MTUS2: variants seen among roughly 807,000 people sequenced by gnomAD.
MTUS2 encodes microtubule associated scaffold protein 2.
MTUS2 carries 40 observed loss-of-function variants against 114.1 expected under a neutral mutation model. The ratio of observed to expected loss-of-function variants is 0.35; its 90% confidence interval spans 0.27 to 0.46. MTUS2 has a LOEUF of 0.46. MTUS2 is among the 20% of genes least tolerant of loss of function. The pLI is 1.00. For missense variants in MTUS2, 1,679 were observed against 1,705.4 expected (o/e 0.98, Z 0.27); for synonymous variants, 688 against 672.0 (o/e 1.02, Z -0.37).
chr13:29,445,509 G>A (rs1477993395), intron 9 of MTUS2, among the ~76,000 whole-genome samples: 1 of 152,178 alleles, frequency 6.6e-6, no homozygotes, highest in Non-Finnish European at 1.5e-5. Context: ...CAAGGTATAT[G>A]GCAGGGGGTG....
At chr13:29,277,690 G>A (rs1367793965) in intron 5 of MTUS2, among the ~76,000 whole-genome samples, 1 of 152,166 alleles carries the variant, frequency 6.6e-6, no homozygotes, top group East Asian at 1.9e-4. Flanking sequence ...AGCCTCCCTT[G>A]ATGGCTTTTG....
intron 8 of MTUS2, among the ~76,000 whole-genome samples, chr13:29,383,242 G>GTA (rs1315060468): frequency 3.5e-5 from 1 of 28,620 alleles, no homozygotes; most frequent in Non-Finnish European, 1.3e-4. Context: ...GTGTGTGTGT[G>GTA]TGTGTGTGTG....
At chr13:29,326,111 T>C (rs565056724) in intron 7 of MTUS2, among the ~76,000 whole-genome samples, 2 of 152,326 alleles carry the variant, frequency 1.3e-5, no homozygotes, top group Non-Finnish European at 2.9e-5. Context: ...GGGTAACACC[T>C]TGGCCAGATG....
chr13:29,283,556 G>A lies in MTUS2; in HGVS notation c.2806+1691G>A, dbSNP rs1274161516. ...ACACGGTGGTTGAATCAACCCTATA[G>A]CCCAGTGTTTCTCAAGCTTTAGTGT... On this transcript the variant is annotated intron_variant, in intron 6 of 15. Transcript: ENST00000612955. Among the ~76,000 whole-genome samples, 3 of 152,250 alleles carry A rather than the reference G, an allele frequency of 2.0e-5. No individual in the cohort carries two copies. The East Asian group carries it at 5.8e-4, about 29-fold the overall frequency.
At chr13:29,280,369 G>A (rs141982128) in intron 5 of MTUS2, among the ~76,000 whole-genome samples, 227 of 152,224 alleles carry the variant, frequency 1.5e-3, no homozygotes, top group African/African-American at 5.3e-3. Flanking sequence ...AAGAACTATA[G>A]GGCATAGGTC....
intron 2 of MTUS2, among the ~76,000 whole-genome samples, chr13:28,878,155 G>A (rs543120638): frequency 2.6e-5 from 4 of 151,762 alleles, no homozygotes; most frequent in East Asian, 1.9e-4. Flanking sequence ...GTGACATTTC[G>A]TCTAATGGCC....
intron 5 of MTUS2, among the ~76,000 whole-genome samples, chr13:29,106,299 A>G (rs1360518657): frequency 4.6e-5 from 7 of 152,188 alleles, no homozygotes. Flanking sequence ...AAGTTGCTCT[A>G]TCTTTTAATG....
At chr13:28,831,498 T>C (rs1874675465) in intron 1 of MTUS2, among the ~76,000 whole-genome samples, 1 of 152,126 alleles carries the variant, frequency 6.6e-6, no homozygotes, top group Admixed American at 6.5e-5. Context: ...GGAATGGCTA[T>C]ACCGATATGA....
chr13:29,329,000 G>A (rs1900646858), intron 7 of MTUS2, among the ~76,000 whole-genome samples: 2 of 152,092 alleles, frequency 1.3e-5, no homozygotes, highest in Non-Finnish European at 2.9e-5. Context: ...CAGGCCCTTA[G>A]ATAGGAATTT....
chr13:29,372,970 A>G (rs761896069), intron 8 of MTUS2, among the ~76,000 whole-genome samples: 2 of 152,224 alleles, frequency 1.3e-5, no homozygotes, highest in African/African-American at 2.4e-5. Flanking sequence ...GGCAGATTAG[A>G]AAGAAGAGTT....
At chr13:29,214,198 T>C (rs1895581221) in intron 5 of MTUS2, among the ~76,000 whole-genome samples, 1 of 150,998 alleles carries the variant, frequency 6.6e-6, no homozygotes, top group Non-Finnish European at 1.5e-5. Context: ...TTTTTTGCTT[T>C]CCATTTGCTT....
intron 6 of MTUS2, among the ~76,000 whole-genome samples, chr13:29,311,272 G>A (rs761253527): frequency 6.6e-6 from 1 of 152,154 alleles, no homozygotes; most frequent in Non-Finnish European, 1.5e-5. Context: ...ATGGAAAGGC[G>A]GGGTTGAGAC....
intron 2 of MTUS2, among the ~76,000 whole-genome samples, chr13:28,892,556 T>A (rs972591880): frequency 5.9e-5 from 9 of 152,240 alleles, no homozygotes; most frequent in African/African-American, 2.2e-4. Context: ...ATTTTGCTTT[T>A]TAATTTTTAC....
chr13:29,388,803 C>A (rs1013933661), intron 8 of MTUS2, among the ~76,000 whole-genome samples: 1 of 151,960 alleles, frequency 6.6e-6, no homozygotes, highest in Non-Finnish European at 1.5e-5. Context: ...ATTGGATTAT[C>A]GCCTCTTAGT....
chr13:29,214,331 T>C (rs768286173), intron 5 of MTUS2, among the ~76,000 whole-genome samples: 2 of 152,220 alleles, frequency 1.3e-5, no homozygotes, highest in Non-Finnish European at 2.9e-5. Flanking sequence ...AGTCTCTGTC[T>C]TTTAATTGGG....
chr13:29,003,522 C>T (rs2138391836), intron 2 of MTUS2, among the ~76,000 whole-genome samples: 1 of 152,316 alleles, frequency 6.6e-6, no homozygotes, highest in Middle Eastern at 3.4e-3. Flanking sequence ...AATTCAAGTC[C>T]TGGTCTGGGC....
In MTUS2 at chr13:29,416,082, A is replaced by ATTT. The variant is rs139281629; in HGVS notation, c.3118-23885_3118-23883dup. Among the ~76,000 whole-genome samples, 581 of 127,696 alleles carry ATTT rather than the reference A, an allele frequency of 4.5e-3. 11 individuals carry two copies. The highest frequency in any genetic ancestry group is 0.011 in the African/African-American group (358 of 33,866). The allele number at this position is 127,696 out of a possible 152,430, so 83.8% of individuals were successfully genotyped here. A position where few individuals can be genotyped will look rare whatever the true frequency, so the allele number is the denominator to read the frequency against. ...AGGCACTCACCGCCACACCCCACTA[A>ATTT]TTTTTTTTTTTTTTTTTTGTATTTT... On this transcript the variant is annotated intron_variant, in intron 8 of 15. Coordinates refer to ENST00000612955, the MANE Select transcript of MTUS2 (RefSeq NM_001033602.4).
intron 6 of MTUS2, among the ~76,000 whole-genome samples, chr13:29,316,779 T>C (rs554925658): frequency 6.6e-6 from 1 of 152,316 alleles, no homozygotes; most frequent in African/African-American, 2.4e-5. Context: ...ATACCAATAA[T>C]ACCCACAGAG....
At chr13:28,935,965 T>C (rs1881881256) in intron 2 of MTUS2, among the ~76,000 whole-genome samples, 1 of 152,146 alleles carries the variant, frequency 6.6e-6, no homozygotes, top group South Asian at 2.1e-4. Flanking sequence ...CAGACTGGTC[T>C]TGAACTCCTG....
Sources: allele counts gnomAD v4.1 joint callset (sites outside exome capture counted in the v4.1 genomes callset), GRCh38; gene constraint gnomAD v4.1.1; transcripts MANE v1.5; gene names NCBI Gene and HGNC (gene_info 2026-07-23, HGNC 2026-07-21).